The following FHAD1 variants were observed in gnomAD, a reference collection of about 807,000 sequenced individuals.
The protein encoded by FHAD1 is forkhead associated phosphopeptide binding domain 1, also known as forkhead-associated domain-containing protein 1.
FHAD1 carries 146 observed loss-of-function variants against 191.3 expected under a neutral mutation model. That is an observed-to-expected ratio of 0.76 (90% confidence interval 0.67 to 0.88). The LOEUF is 0.88. Ranked by LOEUF, FHAD1 falls within the 40% of genes least tolerant of loss-of-function variation. The pLI is 0.00. For synonymous variants in FHAD1, 616 were observed against 672.3 expected (o/e 0.92, Z 1.29); for missense variants, 1,635 against 1,785.8 (o/e 0.92, Z 1.52).
At chr1:15,344,722 C>T (rs747918639) in intron 16 of FHAD1, among the ~76,000 whole-genome samples, 14 of 152,182 alleles carry the variant, frequency 9.2e-5, no homozygotes, top group Non-Finnish European at 1.5e-4. Context: ...CCTGTTTCCT[C>T]CTCTGCAAGG....
downstream of FHAD1, among the ~76,000 whole-genome samples, chr1:15,400,781 G>A (rs1032612050): frequency 6.6e-6 from 1 of 152,232 alleles, no homozygotes; most frequent in African/African-American, 2.4e-5. Flanking sequence ...TCAGCCGACT[G>A]GACTAGGCTC....
At position 15,317,920 on chromosome 1, in the gene FHAD1, A is replaced by G. The variant is rs1264056284; in HGVS notation, c.1357A>G (p.Lys453Glu). ...QSVISRTLRE[K>E]SKVEEKLQED... ...CGTGATCTCTAGGACTCTGAGAGAA[A>G]AAAGCAAGGTACGTAGTGGACAACA... Residue 453 changes from lysine (K) to glutamate (E), a missense_variant, in exon 10 of 34, where the codon AAA (lysine) becomes GAA (glutamate). Coordinates refer to ENST00000688493, the MANE Select transcript of FHAD1 (RefSeq NM_001391957.1). 1 of 1,550,576 alleles carries G rather than the reference A, an allele frequency of 6.4e-7. No homozygotes were observed. Among genetic ancestry groups the G allele is most frequent in the Non-Finnish European group, 8.7e-7 (1 of 1,145,922 alleles).
chr1:15,259,039 C>T (rs958343998), intron 2 of FHAD1, among the ~76,000 whole-genome samples: 1 of 152,186 alleles, frequency 6.6e-6, no homozygotes, highest in Non-Finnish European at 1.5e-5. Flanking sequence ...AGCAACAGTG[C>T]ATAAGGGCTC....
chr1:15,373,865 A>C (rs1698818205), intron 26 of FHAD1, among the ~76,000 whole-genome samples: 1 of 152,102 alleles, frequency 6.6e-6, no homozygotes, highest in African/African-American at 2.4e-5. Context: ...AAAAACCAAA[A>C]CAAACAACAA....
At chr1:15,379,889 C>T (rs1700512657) in intron 28 of FHAD1, among the ~76,000 whole-genome samples, 2 of 152,208 alleles carry the variant, frequency 1.3e-5, no homozygotes, top group Admixed American at 1.3e-4. Context: ...AAGAATTTGT[C>T]TTAGTACAGA....
intron 26 of FHAD1, 110 bp downstream of exon 26, chr1:15,369,612 T>G: frequency 7.8e-7 from 1 of 1,282,082 alleles, no homozygotes; most frequent in East Asian, 2.5e-5. Flanking sequence ...AAGTATGGCT[T>G]GCTGGTGTGA....
At chr1:15,362,917 A>G (rs1365774412) in intron 23 of FHAD1, among the ~76,000 whole-genome samples, 191 bp downstream of exon 23, 1 of 152,082 alleles carries the variant, frequency 6.6e-6, no homozygotes, top group Non-Finnish European at 1.5e-5. Context: ...AAGCCAAACA[A>G]GGAGCCAGGC....
At chr1:15,362,451 T>C (rs779683170) in intron 22 of FHAD1, among the ~76,000 whole-genome samples, 191 bp from the exon 23 acceptor site, 1 of 152,176 alleles carries the variant, frequency 6.6e-6, no homozygotes, top group Non-Finnish European at 1.5e-5. Context: ...CTAGAGTAGC[T>C]GGGAAGATTG....
At chr1:15,333,110 A>G (rs1324228601) in intron 14 of FHAD1, among the ~76,000 whole-genome samples, 2 of 152,226 alleles carry the variant, frequency 1.3e-5, no homozygotes, top group Non-Finnish European at 2.9e-5. Context: ...AGAATAACAG[A>G]AAGTTCAGTA....
At chr1:15,375,367 C>CA (rs2102902731) in intron 27 of FHAD1, among the ~76,000 whole-genome samples, 1 of 152,268 alleles carries the variant, frequency 6.6e-6, no homozygotes, top group East Asian at 1.9e-4. Flanking sequence ...AGGACCTTAG[C>CA]AAAGTCCACC....
At chr1:15,357,716 G>A (rs915526326) in intron 20 of FHAD1, 1 of 158,668 alleles carries the variant, frequency 6.3e-6, no homozygotes. Flanking sequence ...TGGAGGAAAG[G>A]GGGGTGTCCT....
At chr1:15,367,436 C>G in intron 24 of FHAD1, 27 bp from the exon 25 acceptor site, 2 of 1,546,416 alleles carry the variant, frequency 1.3e-6, no homozygotes, top group Non-Finnish European at 1.7e-6. Flanking sequence ...GCAGAGACCC[C>G]CTTACCGGCC....
rs1314862634 is a variant in FHAD1 at position 15,398,193 on chromosome 1, C to T, written c.*780C>T. 6.7e-6 allele frequency: 1 copy of T among 149,722 alleles called. No individual in the cohort carries two copies. Among genetic ancestry groups the T allele is most frequent in the East Asian group, 2.0e-4 (1 of 5,104 alleles). 9.3% of individuals were successfully genotyped at this position (149,722 alleles called of 1,614,324 possible). On this transcript the variant is annotated 3_prime_UTR_variant, in exon 34 of 34. Transcript: ENST00000688493. ...TCGGGAGGCTGAGACAGGAGAATCA[C>T]TTCAACCCGGGAGGTGATGATTGCA...
At chr1:15,355,589 C>A (rs548149200) in intron 20 of FHAD1, among the ~76,000 whole-genome samples, 19 of 152,288 alleles carry the variant, frequency 1.2e-4, no homozygotes, top group African/African-American at 4.6e-4. Flanking sequence ...CACAGCTCTT[C>A]AAAGAAACAA....
rs558248136 is a variant in FHAD1 at position 15,303,621 on chromosome 1, AG to A, written c.915+2182del. Among the ~76,000 whole-genome samples, 22 of 152,332 alleles carry A rather than the reference AG, an allele frequency of 1.4e-4. No homozygotes were observed. In the East Asian group the frequency reaches 4.1e-3, roughly 28 times the overall value. On this transcript the variant is annotated intron_variant, in intron 6 of 33. Transcript: ENST00000688493. ...TCCCAGCACTTTGGGAGGCCAAGGC[AG>A]GCGGATCACCTGAGGTCAGGAGTTC... is the stretch of plus-strand genomic sequence containing the variant.
Position 15,381,214 on chromosome 1 carries a change from G to A in FHAD1, c.3802-17G>A, listed in dbSNP as rs925635690. On this transcript the variant is annotated splice_polypyrimidine_tract_variant and intron_variant, in intron 29 of 33. Transcript: ENST00000688493. This position sits in a 1 kb window ranked among gnomAD's most constrained non-coding sequence, Gnocchi z 4.6. ...GCCGCGGGTAATGCCTCTTATGCGC[G>A]AACGTTTTCCTTGTAGTACCTGGAT... 9.7e-6 allele frequency: 15 copies of A among 1,540,578 alleles called. No homozygotes were observed. Among genetic ancestry groups the A allele is most frequent in the African/African-American group, 5.5e-5 (4 of 72,780 alleles).
At chr1:15,394,311 G>C (rs1705209372) in intron 33 of FHAD1, among the ~76,000 whole-genome samples, 1 of 152,068 alleles carries the variant, frequency 6.6e-6, no homozygotes, top group African/African-American at 2.4e-5. Context: ...CTCCAACTCT[G>C]ACAGCCAACT....
intron 2 of FHAD1, among the ~76,000 whole-genome samples, chr1:15,260,116 C>T (rs79122710): frequency 0.15 from 22,334 of 152,122 alleles, 1,837 homozygotes; most frequent in Middle Eastern, 0.22. Context: ...CACTGACAAA[C>T]GTAGGCAGAA....
intron 15 of FHAD1, 34 bp downstream of exon 15, chr1:15,339,585 A>G (rs1685684977): frequency 8.7e-7 from 1 of 1,146,844 alleles, no homozygotes; most frequent in African/African-American, 1.6e-5. Flanking sequence ...TCCAAAGTTC[A>G]TTTCGGCCCC....
Sources: allele counts gnomAD v4.1 joint callset (sites outside exome capture counted in the v4.1 genomes callset), GRCh38; gene constraint gnomAD v4.1.1; non-coding constraint Gnocchi (gnomAD v3.1); transcripts MANE v1.5; gene names NCBI Gene and HGNC (gene_info 2026-07-23, HGNC 2026-07-21).